Variants in RGP1 observed in about 807,000 individuals in gnomAD.
RGP1 encodes RAB6A-GEF complex partner protein 2.
In RGP1, 28 loss-of-function variants were observed where a neutral mutation model predicts 44.5. The ratio of observed to expected loss-of-function variants is 0.63; its 90% confidence interval spans 0.47 to 0.86. RGP1 has a LOEUF of 0.86. Ranked by LOEUF, RGP1 falls within the 40% of genes least tolerant of loss-of-function variation. The pLI, the probability that RGP1 is intolerant of heterozygous loss-of-function variation, is 0.00. For missense variants in RGP1, 417 were observed against 490.7 expected, an observed-to-expected ratio of 0.85 and a Z score of 1.42; for synonymous variants, 212 against 196.7, an observed-to-expected ratio of 1.08 and a Z score of -0.65.
chr9:35,779,686 G>T, the RGP1 span, among the ~76,000 whole-genome samples: 2 of 152,200 alleles, frequency 1.3e-5, no homozygotes, highest in African/African-American at 2.4e-5. Context: ...GCACAACTCA[G>T]TGGAGAAGCC....
chr9:35,749,331 G>T lies in RGP1; in HGVS notation c.-97G>T, dbSNP rs1460693249. ...AGCGGACGCCGCCGCCGCCGCCGCC[G>T]CCGCGTACCTAGCCAGGTCCCTGAG... On this transcript the variant is annotated 5_prime_UTR_variant, in exon 1 of 9. Coordinates refer to ENST00000378078, the MANE Select transcript of RGP1 (RefSeq NM_001080496.3). This position sits in a 1 kb window ranked among gnomAD's most constrained non-coding sequence, Gnocchi z 4.4. 2 of 530,254 alleles carry T rather than the reference G, an allele frequency of 3.8e-6. No individual in the cohort carries two copies. Among genetic ancestry groups the T allele is most frequent in the Non-Finnish European group, 7.7e-6 (2 of 259,298 alleles). The allele number at this position is 530,254 out of a possible 1,614,324, so 32.8% of individuals were successfully genotyped here.
chr9:35,765,726 A>G, the RGP1 span, among the ~76,000 whole-genome samples: 4 of 151,836 alleles, frequency 2.6e-5, no homozygotes, highest in African/African-American at 9.7e-5. Context: ...GAAGTGCCAT[A>G]CTGTTTTCCA....
chr9:35,764,299 C>A, the RGP1 span, among the ~76,000 whole-genome samples: 1 of 152,194 alleles, frequency 6.6e-6, no homozygotes, highest in African/African-American at 2.4e-5. Context: ...TATTCACACT[C>A]TTTAACTCCT....
chr9:35,755,551 G>A lies in RGP1; in HGVS notation c.*2677G>A, dbSNP rs190674805. On this transcript the variant is annotated 3_prime_UTR_variant, in exon 9 of 9. Coordinates refer to ENST00000378078, the MANE Select transcript of RGP1 (RefSeq NM_001080496.3). ...GGATGGAGGGGGATAGCAGCGGGGAGATGATTTTGGGATGAAACTGTTTCA... is the reference window on the plus strand; with the variant it reads ...GGATGGAGGGGGATAGCAGCGGGGAAATGATTTTGGGATGAAACTGTTTCA... 2 of 152,316 alleles carry A rather than the reference G, an allele frequency of 1.3e-5. No individual in the cohort carries two copies. Among genetic ancestry groups the A allele is most frequent in the African/African-American group, 4.8e-5 (2 of 41,546 alleles). 9.4% of individuals were successfully genotyped at this position (152,316 alleles called of 1,614,324 possible).
intron 8 of RGP1, among the ~76,000 whole-genome samples, chr9:35,752,413 C>T (rs937354062): frequency 1.3e-5 from 2 of 152,186 alleles, no homozygotes. Flanking sequence ...TTCATGCTAC[C>T]TAGACTTGAC....
chr9:35,774,074 C>G, the RGP1 span, among the ~76,000 whole-genome samples: 1 of 152,186 alleles, frequency 6.6e-6, no homozygotes, highest in African/African-American at 2.4e-5. Flanking sequence ...AAACTTTATT[C>G]TCTGATGATA....
chr9:35,753,366 C>T lies in RGP1; in HGVS notation c.*492C>T, dbSNP rs1827304521. ...CACATGTTCCCTCTCTCACAGTTTT[C>T]CCCCCACAGAGCCCCTTTCAGTGGC... is the stretch of plus-strand genomic sequence containing the variant. On this transcript the variant is annotated 3_prime_UTR_variant, in exon 9 of 9. Transcript: ENST00000378078. This position sits in a 1 kb window ranked among gnomAD's most constrained non-coding sequence, Gnocchi z 4.2. The T allele has an allele frequency of 6.9e-7, 1 of 1,456,248 alleles. No homozygotes were observed. Among genetic ancestry groups the T allele is most frequent in the Non-Finnish European group, 9.3e-7 (1 of 1,074,336 alleles). The allele number at this position is 1,456,248 out of a possible 1,614,324, so 90.2% of individuals were successfully genotyped here.
chr9:35,779,314 C>T, the RGP1 span, among the ~76,000 whole-genome samples: 2 of 152,120 alleles, frequency 1.3e-5, no homozygotes, highest in Non-Finnish European at 2.9e-5. Flanking sequence ...ACTTTTCCCT[C>T]CTTTCCCCCC....
chr9:35,786,010 G>T, the RGP1 span, among the ~76,000 whole-genome samples: 1 of 152,034 alleles, frequency 6.6e-6, no homozygotes, highest in Non-Finnish European at 1.5e-5. Flanking sequence ...CCACTGCTTA[G>T]CTTCTCTTGG....
At chr9:35,770,113 T>A in the RGP1 span, among the ~76,000 whole-genome samples, 1 of 152,128 alleles carries the variant, frequency 6.6e-6, no homozygotes, top group African/African-American at 2.4e-5. Flanking sequence ...TGAAGGATGA[T>A]GGTGGTTTGA....
At chr9:35,779,954 TC>T in the RGP1 span, among the ~76,000 whole-genome samples, 3 of 151,738 alleles carry the variant, frequency 2.0e-5, no homozygotes, top group East Asian at 5.8e-4. Flanking sequence ...CCCAGGCTGG[TC>T]TCAAACTCCT....
At chr9:35,770,529 GAGAGAGAGAGT>G in the RGP1 span, among the ~76,000 whole-genome samples, 2 of 123,706 alleles carry the variant, frequency 1.6e-5, no homozygotes, top group Admixed American at 8.2e-5. Flanking sequence ...GAGAGAGAGA[GAGAGAGAGAGT>G]TGAGTGGAAA....
the RGP1 span, among the ~76,000 whole-genome samples, chr9:35,780,024 C>T: frequency 5.1e-4 from 77 of 152,316 alleles, no homozygotes; most frequent in East Asian, 0.014. Context: ...AGGCATGAGC[C>T]ACCATGTGCA....
the RGP1 span, among the ~76,000 whole-genome samples, chr9:35,789,624 T>G: frequency 6.7e-6 from 1 of 149,628 alleles, no homozygotes; most frequent in African/African-American, 2.4e-5. Context: ...GTCCTTAATG[T>G]TCAGAATAAT....
chr9:35,751,486 A>G, intron 6 of RGP1, 74 bp downstream of exon 6: 7 of 1,601,350 alleles, frequency 4.4e-6, no homozygotes, highest in Non-Finnish European at 6.0e-6. Flanking sequence ...CAGTCTCCTA[A>G]CCACCACACA....
Position 35,752,757 on chromosome 9 carries a change from T to C in RGP1, c.1059T>C (p.Pro353=). Reference sequence around the variant, plus strand: ...CCGAACCTACCACCTGGACAGGACCTGAGCAAGTACCTGTAGACACCTTCA... The same window carrying C: ...CCGAACCTACCACCTGGACAGGACCCGAGCAAGTACCTGTAGACACCTTCA... ...EQPEPTTWTG[P]EQVPVDTFSW... is the part of the protein sequence containing the mutation. Residue 353 remains proline (P), a synonymous_variant, in exon 9 of 9, where the codon CCT becomes CCC. Coordinates refer to ENST00000378078, the MANE Select transcript of RGP1 (RefSeq NM_001080496.3). 6.2e-7 allele frequency: 1 copy of C among 1,613,844 alleles called. No individual in the cohort carries two copies. Among genetic ancestry groups the C allele is most frequent in the Non-Finnish European group, 8.5e-7 (1 of 1,179,816 alleles).
chr9:35,750,517 T>C, intron 3 of RGP1, 138 bp downstream of exon 3: 1 of 1,289,772 alleles, frequency 7.8e-7, no homozygotes, highest in East Asian at 2.4e-5. Context: ...AGCATGACTA[T>C]TGCTTTAGGG....
the RGP1 span, among the ~76,000 whole-genome samples, chr9:35,775,829 TG>T: frequency 6.6e-6 from 1 of 152,320 alleles, no homozygotes; most frequent in South Asian, 2.1e-4. Context: ...CTGCTGATGG[TG>T]GGATGTAGTT....
intron 3 of RGP1, 131 bp from the exon 4 acceptor site, chr9:35,750,527 G>T: frequency 7.8e-7 from 1 of 1,289,928 alleles, no homozygotes; most frequent in Non-Finnish European, 1.1e-6. Context: ...TTGCTTTAGG[G>T]GTAGAAGACT....
Sources: allele counts gnomAD v4.1 joint callset (sites outside exome capture counted in the v4.1 genomes callset), GRCh38; gene constraint gnomAD v4.1.1; non-coding constraint Gnocchi (gnomAD v3.1); transcripts MANE v1.5; gene names NCBI Gene and HGNC (gene_info 2026-07-23, HGNC 2026-07-21).